Variants in KCNQ5 observed in about 807,000 individuals in gnomAD.
The protein encoded by KCNQ5 is potassium voltage-gated channel subfamily Q member 5.
A neutral mutation model predicts 98.2 loss-of-function variants in KCNQ5; 30 were observed. The observed-to-expected ratio is 0.31, with a 90% CI of 0.23 to 0.41. The LOEUF is 0.41. Ranked by LOEUF, KCNQ5 falls within the 10% of genes least tolerant of loss-of-function variation. The pLI is 1.00. For synonymous variants in KCNQ5, 458 were observed against 449.4 expected (o/e 1.02, Z -0.24); for missense variants, 835 against 1,182.5 (o/e 0.71, Z 4.31).
chr6:72,977,145 A>G (rs997896520), intron 1 of KCNQ5, among the ~76,000 whole-genome samples: 1 of 152,204 alleles, frequency 6.6e-6, no homozygotes, highest in African/African-American at 2.4e-5. Flanking sequence ...TTATTATGTT[A>G]AAACACAGAT....
chr6:72,965,772 G>A (rs1424052315), intron 1 of KCNQ5, among the ~76,000 whole-genome samples: 1 of 152,096 alleles, frequency 6.6e-6, no homozygotes, highest in East Asian at 1.9e-4. Flanking sequence ...GCTCATTACT[G>A]GGTTAAGCAC....
chr6:73,044,475 T>C (rs1483675776), intron 3 of KCNQ5, among the ~76,000 whole-genome samples: 1 of 152,238 alleles, frequency 6.6e-6, no homozygotes, highest in African/African-American at 2.4e-5. Context: ...ATGAATTTTT[T>C]AGTCTTTTAT....
intron 1 of KCNQ5, among the ~76,000 whole-genome samples, chr6:72,795,848 G>A (rs1015933599): frequency 2.0e-5 from 3 of 151,938 alleles, no homozygotes; most frequent in African/African-American, 4.8e-5. Context: ...AGTTTAAAAC[G>A]TTCATTGAAA....
intron 11 of KCNQ5, among the ~76,000 whole-genome samples, chr6:73,188,056 A>G (rs1050571720): frequency 6.6e-6 from 1 of 152,218 alleles, no homozygotes; most frequent in African/African-American, 2.4e-5. Context: ...GAACACACTG[A>G]CGTATGCTGT....
At chr6:72,760,065 G>T (rs1274995898) in intron 1 of KCNQ5, among the ~76,000 whole-genome samples, 1 of 152,126 alleles carries the variant, frequency 6.6e-6, no homozygotes, top group Non-Finnish European at 1.5e-5. Flanking sequence ...TTCTTCCCCA[G>T]GATGGCACGC....
At chr6:72,861,200 A>C (rs1190735944) in intron 1 of KCNQ5, among the ~76,000 whole-genome samples, 1 of 152,220 alleles carries the variant, frequency 6.6e-6, no homozygotes, top group Non-Finnish European at 1.5e-5. Context: ...CATGTGCCTC[A>C]TGAATTTTCT....
chr6:73,040,021 C>T (rs1020061343), intron 2 of KCNQ5, among the ~76,000 whole-genome samples: 1 of 142,904 alleles, frequency 7.0e-6, no homozygotes, highest in Non-Finnish European at 1.5e-5. Context: ...TTCCCCTCAC[C>T]TTCTTAAAAA....
chr6:72,736,859 T>C (rs1294727943), intron 1 of KCNQ5, among the ~76,000 whole-genome samples: 1 of 152,200 alleles, frequency 6.6e-6, no homozygotes, highest in African/African-American at 2.4e-5. Context: ...GAAAGTATTA[T>C]CATTTTCTTT....
At chr6:73,124,167 G>A (rs893940207) in intron 8 of KCNQ5, among the ~76,000 whole-genome samples, 2 of 152,198 alleles carry the variant, frequency 1.3e-5, no homozygotes, top group Non-Finnish European at 2.9e-5. Flanking sequence ...AAGAGCCCTT[G>A]CTAATTCTGG....
intron 3 of KCNQ5, among the ~76,000 whole-genome samples, chr6:73,050,293 A>AGGAAGGAAGGAC (rs1772168597): frequency 7.6e-6 from 1 of 130,800 alleles, no homozygotes; most frequent in African/African-American, 2.8e-5. Context: ...GAAGGAAGGA[A>AGGAAGGAAGGAC]GGAAGGAAGG....
At chr6:72,773,641 A>G (rs1773019629) in intron 1 of KCNQ5, among the ~76,000 whole-genome samples, 1 of 152,210 alleles carries the variant, frequency 6.6e-6, no homozygotes, top group Non-Finnish European at 1.5e-5. Flanking sequence ...TATAGATGCT[A>G]TTCACTTGTC....
chr6:72,979,821 A>C (rs936558772), intron 1 of KCNQ5, among the ~76,000 whole-genome samples: 4 of 152,186 alleles, frequency 2.6e-5, no homozygotes, highest in Non-Finnish European at 1.5e-5. Context: ...CTAACATTTA[A>C]GTCTTTGATC....
intron 1 of KCNQ5, among the ~76,000 whole-genome samples, chr6:72,855,742 T>A (rs1195259748): frequency 6.6e-6 from 1 of 152,182 alleles, no homozygotes; most frequent in Admixed American, 6.5e-5. Context: ...GTAGAAATAA[T>A]GAGTGCTACC....
chr6:73,179,996 GATGAATGAATGA>G (rs3837017), intron 11 of KCNQ5, among the ~76,000 whole-genome samples: 139 of 151,696 alleles, frequency 9.2e-4, no homozygotes, highest in East Asian at 2.9e-3. Context: ...ATAAATGTTT[GATGAATGAATGA>G]ATGAATGAAT....
chr6:72,771,422 C>A (rs562413108), intron 1 of KCNQ5, among the ~76,000 whole-genome samples: 5 of 152,094 alleles, frequency 3.3e-5, no homozygotes, highest in Non-Finnish European at 7.4e-5. Context: ...CAATAGTGTA[C>A]AAGGATTCCC....
At chr6:72,759,305 G>T (rs1354971490) in intron 1 of KCNQ5, among the ~76,000 whole-genome samples, 4 of 152,066 alleles carry the variant, frequency 2.6e-5, no homozygotes, top group African/African-American at 9.7e-5. Flanking sequence ...TGAATCTTAG[G>T]AAACAAATTT....
chr6:73,107,145 T>C (rs1429204024), intron 6 of KCNQ5, among the ~76,000 whole-genome samples: 1 of 152,172 alleles, frequency 6.6e-6, no homozygotes, highest in Non-Finnish European at 1.5e-5. Context: ...ATTGCAGCTT[T>C]TGTGTTTATA....
At chr6:72,754,408 T>G (rs1033354753) in intron 1 of KCNQ5, among the ~76,000 whole-genome samples, 4 of 152,098 alleles carry the variant, frequency 2.6e-5, no homozygotes, top group African/African-American at 9.7e-5. Context: ...TTTACTAAAG[T>G]TTTGTTGTGG....
chr6:73,077,827 G>C lies in KCNQ5; in HGVS notation c.858G>C (p.Leu286=). 1 of 1,611,546 alleles carries C rather than the reference G, an allele frequency of 6.2e-7. No individual in the cohort carries two copies. The highest frequency in any genetic ancestry group is 8.5e-7 in the Non-Finnish European group (1 of 1,178,200). The change falls in exon 5 of 14, where the codon CTG becomes CTC. Residue 286 remains leucine (L), a synonymous_variant. Coordinates refer to ENST00000370398, the MANE Select transcript of KCNQ5 (RefSeq NM_019842.4). The stretch of plus-strand genomic sequence containing the variant: ...TTTTTTCGTCTTTCCTTGTCTATCT[G>C]GTGGAAAAGGATGCCAATAAAGAGT... The part of the protein sequence containing the change: ...VLIFSSFLVY[L]VEKDANKEFS...
Sources: gnomAD v4.1 joint callset for allele counts (sites outside exome capture counted in the v4.1 genomes callset) on GRCh38, gnomAD v4.1.1 for gene constraint, MANE v1.5 for transcripts, NCBI Gene and HGNC (gene_info 2026-07-23, HGNC 2026-07-21) for gene names.